SLC13A1: variants seen among roughly 807,000 people sequenced by gnomAD.
SLC13A1 encodes solute carrier family 13 member 1.
In SLC13A1, 65 loss-of-function variants were observed where a neutral mutation model predicts 70.0. The observed-to-expected ratio is 0.93, with a 90% confidence interval of 0.76 to 1.14. SLC13A1 has a LOEUF of 1.14. Ranked by LOEUF, SLC13A1 falls within the 50% of genes most tolerant of loss-of-function variation. The pLI is 0.00. For synonymous variants in SLC13A1, 275 were observed against 250.5 expected (o/e 1.10, Z -0.92); for missense variants, 726 against 717.8 (o/e 1.01, Z -0.13).
At chr7:123,195,790 T>C (rs1796158892) in intron 1 of SLC13A1, among the ~76,000 whole-genome samples, 1 of 152,056 alleles carries the variant, frequency 6.6e-6, no homozygotes, top group African/African-American at 2.4e-5. Flanking sequence ...TTACAACCCA[T>C]CAACTAAGAA....
intron 6 of SLC13A1, among the ~76,000 whole-genome samples, chr7:123,166,362 C>T (rs1225963417): frequency 1.3e-5 from 2 of 150,616 alleles, no homozygotes; most frequent in Non-Finnish European, 3.0e-5. Flanking sequence ...TTAGGTGTGC[C>T]AATTTTCATA....
chr7:123,193,152 C>T (rs1042980553), intron 1 of SLC13A1, among the ~76,000 whole-genome samples: 34 of 152,154 alleles, frequency 2.2e-4, no homozygotes, highest in Non-Finnish European at 3.8e-4. Flanking sequence ...CCATGAACTA[C>T]CTGCTCCAGA....
chr7:123,188,856 CTGT>C (rs1293137142), intron 1 of SLC13A1, among the ~76,000 whole-genome samples: 1 of 151,988 alleles, frequency 6.6e-6, no homozygotes, highest in African/African-American at 2.4e-5. Context: ...TGGCTCACGC[CTGT>C]AATCCCAGCA....
At chr7:123,138,386 C>T (rs945394132) in intron 7 of SLC13A1, among the ~76,000 whole-genome samples, 1 of 152,168 alleles carries the variant, frequency 6.6e-6, no homozygotes, top group Non-Finnish European at 1.5e-5. Context: ...CATGGGAGTG[C>T]AGATATACCT....
intron 2 of SLC13A1, among the ~76,000 whole-genome samples, chr7:123,172,110 GA>G (rs1795296134): frequency 6.6e-6 from 1 of 151,938 alleles, no homozygotes; most frequent in African/African-American, 2.4e-5. Flanking sequence ...AAAGTATACC[GA>G]AAAAAGAGTA....
rs893951312 is a variant in SLC13A1 at position 123,166,396 on chromosome 7, T to C, written c.660+1978A>G. Among the ~76,000 whole-genome samples the C allele has an allele frequency of 8.4e-4, 72 of 86,210 alleles. 1 individual carries two copies. The highest frequency in any genetic ancestry group is 1.9e-3 in the Non-Finnish European group (66 of 35,478). 56.6% of individuals were successfully genotyped at this position (86,210 alleles called of 152,430 possible). ...TAACAGCTTTTAAAGCCCATTTCTT[T>C]ATTTTTTTTTATTATACTTTAAGTT... On this transcript the variant is annotated intron_variant, in intron 6 of 14. Coordinates refer to ENST00000194130, the MANE Select transcript of SLC13A1 (RefSeq NM_022444.4).
intron 6 of SLC13A1, among the ~76,000 whole-genome samples, chr7:123,150,363 C>A (rs1794513956): frequency 6.6e-6 from 1 of 152,122 alleles, no homozygotes; most frequent in South Asian, 2.1e-4. Flanking sequence ...GTCAATGTTT[C>A]TCCTCCAACT....
intron 6 of SLC13A1, among the ~76,000 whole-genome samples, chr7:123,161,496 T>C (rs905572855): frequency 6.6e-6 from 1 of 152,170 alleles, no homozygotes; most frequent in Non-Finnish European, 1.5e-5. Context: ...AGGAAAGTAA[T>C]AGAATAATTT....
At chr7:123,146,040 T>C (rs372188836) in intron 7 of SLC13A1, among the ~76,000 whole-genome samples, 1 of 152,214 alleles carries the variant, frequency 6.6e-6, no homozygotes, top group South Asian at 2.1e-4. Flanking sequence ...ATCTGTTCTT[T>C]TAGTAGAACC....
intron 6 of SLC13A1, among the ~76,000 whole-genome samples, chr7:123,150,267 G>T (rs1234792411): frequency 1.3e-5 from 2 of 152,186 alleles, no homozygotes; most frequent in Non-Finnish European, 2.9e-5. Context: ...AGAGAAAATA[G>T]AAGCCAGCAG....
intron 10 of SLC13A1, among the ~76,000 whole-genome samples, chr7:123,126,996 T>A (rs968486586): frequency 1.3e-5 from 2 of 152,132 alleles, no homozygotes; most frequent in African/African-American, 4.8e-5. Flanking sequence ...AAATATGTCC[T>A]ACAAAATATA....
At chr7:123,155,516 G>C (rs550116972) in intron 6 of SLC13A1, among the ~76,000 whole-genome samples, 1 of 151,532 alleles carries the variant, frequency 6.6e-6, no homozygotes, top group African/African-American at 2.4e-5. Context: ...TCTGTTTCCC[G>C]CAAATTGCTC....
At chr7:123,119,323 A>T in intron 12 of SLC13A1, 81 bp from the exon 13 acceptor site, 1 of 982,234 alleles carries the variant, frequency 1.0e-6, no homozygotes. Context: ...AAAAAACATT[A>T]TTTCCTTTGA....
intron 2 of SLC13A1, among the ~76,000 whole-genome samples, chr7:123,173,834 A>C (rs1244063769): frequency 6.6e-6 from 1 of 152,064 alleles, no homozygotes; most frequent in Non-Finnish European, 1.5e-5. Flanking sequence ...TGAATAAGCT[A>C]TGGTCTCTGA....
At chr7:123,162,647 A>G (rs1413512534) in intron 6 of SLC13A1, among the ~76,000 whole-genome samples, 1 of 152,074 alleles carries the variant, frequency 6.6e-6, no homozygotes, top group Non-Finnish European at 1.5e-5. Context: ...TACCTTTTTC[A>G]TATCTGATCT....
At position 123,135,397 on chromosome 7, in the gene SLC13A1, G is replaced by A. The variant is rs561290717; in HGVS notation, c.813-868C>T. 2.0e-5 allele frequency among the ~76,000 whole-genome samples: 3 copies of A among 152,092 alleles called. No individual in the cohort carries two copies. In the East Asian group the frequency reaches 5.8e-4, roughly 29 times the overall value. On this transcript the variant is annotated intron_variant, in intron 7 of 14. Coordinates refer to ENST00000194130, the MANE Select transcript of SLC13A1 (RefSeq NM_022444.4). Reference sequence around the variant, plus strand: ...ACTATGGAGAAACAATAGGAAATTTGAGAAACAGTTGTCTTTACTTTTTTT... The same window carrying A: ...ACTATGGAGAAACAATAGGAAATTTAAGAAACAGTTGTCTTTACTTTTTTT...
At chr7:123,163,048 C>G (rs1028017698) in intron 6 of SLC13A1, among the ~76,000 whole-genome samples, 1 of 152,024 alleles carries the variant, frequency 6.6e-6, no homozygotes, top group East Asian at 1.9e-4. Flanking sequence ...TGGGCTGTCT[C>G]TTTGAGTGAC....
intron 2 of SLC13A1, among the ~76,000 whole-genome samples, chr7:123,176,439 A>G (rs1054196419): frequency 7.9e-5 from 12 of 152,202 alleles, no homozygotes; most frequent in African/African-American, 2.9e-4. Flanking sequence ...CAAGATCAAC[A>G]TAGTTATATT....
chr7:123,170,708 G>A (rs952351472), intron 3 of SLC13A1, among the ~76,000 whole-genome samples: 5 of 151,408 alleles, frequency 3.3e-5, no homozygotes, highest in South Asian at 2.1e-4. Flanking sequence ...GGCTTACTGC[G>A]ACCTCTGCCT....
Sources: allele counts gnomAD v4.1 joint callset (sites outside exome capture counted in the v4.1 genomes callset), GRCh38; gene constraint gnomAD v4.1.1; transcripts MANE v1.5; gene names NCBI Gene and HGNC (gene_info 2026-07-23, HGNC 2026-07-21).